Variants in SPPL2B observed in about 807,000 individuals in gnomAD.
SPPL2B encodes the protein signal peptide peptidase-like 2B.
SPPL2B carries 39 observed loss-of-function variants against 59.7 expected under a neutral mutation model. The observed-to-expected ratio is 0.65, with a 90% CI of 0.51 to 0.85. The LOEUF is 0.85. Among genes scored for constraint, SPPL2B ranks in the 40% least tolerant of loss-of-function variants. The pLI, the probability that SPPL2B is intolerant of heterozygous loss-of-function variation, is 0.00. For synonymous variants in SPPL2B, 419 were observed against 370.8 expected, an observed-to-expected ratio of 1.13 and a Z score of -1.49; for missense variants, 865 against 849.0, an observed-to-expected ratio of 1.02 and a Z score of -0.23.
Position 2,353,467 on chromosome 19 carries a change from C to G in SPPL2B, c.*258C>G. 1 of 117,110 alleles carries G rather than the reference C, an allele frequency of 8.5e-6. No homozygotes were observed. Among genetic ancestry groups the G allele is most frequent in the Non-Finnish European group, 2.2e-5 (1 of 45,724 alleles). 7.3% of individuals were successfully genotyped at this position (117,110 alleles called of 1,614,324 possible). A position where few individuals can be genotyped will look rare whatever the true frequency, so the allele number is the denominator to read the frequency against. On this transcript the variant is annotated 3_prime_UTR_variant, in exon 15 of 15. Coordinates refer to ENST00000613503, the MANE Select transcript of SPPL2B (RefSeq NM_152988.3). ...GCTCTCTGCGGGTCCATCCTCCCCA[C>G]CGGGGTCCGTCCTCGCAGGCCCTGC...
chr19:2,336,203 GTGTA>G (rs1968598563), intron 2 of SPPL2B, among the ~76,000 whole-genome samples: 2 of 151,832 alleles, frequency 1.3e-5, no homozygotes, highest in South Asian at 4.1e-4. Context: ...GGGTCTGAAT[GTGTA>G]TGTCTGTTTT....
rs528915941 is a variant in SPPL2B, at chr19:2,339,195, C to T, written c.586C>T (p.Arg196Trp). 2.0e-5 allele frequency: 32 copies of T among 1,603,418 alleles called. No homozygotes were observed. The highest frequency in any genetic ancestry group is 1.6e-4 in the African/African-American group (12 of 74,920). Residue 196 changes from arginine to tryptophan, a missense_variant, in exon 5 of 15, where the codon CGG becomes TGG. Arg to Trp is a moderately radical substitution (Grantham distance 101). Coordinates refer to ENST00000613503, the MANE Select transcript of SPPL2B (RefSeq NM_152988.3). Reference protein sequence around the residue: ...VAIGGYWAGSRDVKKRYMKHK... With the variant: ...VAIGGYWAGSWDVKKRYMKHK... ...CATCGGCGGCTACTGGGCCGGGAGT[C>T]GGGACGTGAAGAAGTGAGTTTCGCA...
chr19:2,331,022 C>G (rs1968260205), intron 1 of SPPL2B, among the ~76,000 whole-genome samples: 1 of 152,182 alleles, frequency 6.6e-6, no homozygotes, highest in African/African-American at 2.4e-5. Flanking sequence ...AGGGCAGGAG[C>G]CTGGTTGGTG....
chr19:2,334,016 A>G (rs1383901896), intron 1 of SPPL2B, among the ~76,000 whole-genome samples: 3 of 152,118 alleles, frequency 2.0e-5, no homozygotes, highest in Non-Finnish European at 4.4e-5. Context: ...TACCAGTGGG[A>G]GCTGAGGGGT....
At chr19:2,328,859 C>A (rs1196696214) in intron 1 of SPPL2B, 84 bp downstream of exon 1, 1 of 1,196,048 alleles carries the variant, frequency 8.4e-7, no homozygotes, top group East Asian at 3.2e-5. Flanking sequence ...GGAACGACCC[C>A]GCTCGGCCCG....
intron 8 of SPPL2B, chr19:2,341,679 C>G (rs1404048894): frequency 2.3e-6 from 1 of 429,606 alleles, no homozygotes. Context: ...TGTATTGGAG[C>G]CACGGCACGT....
chr19:2,349,050 C>G lies in SPPL2B; in HGVS notation c.1355-2384C>G, dbSNP rs1164436700. On this transcript the variant is annotated intron_variant, in intron 13 of 14. Transcript: ENST00000613503. ...CTCTCTCCACACACACTCACGCGCT[C>G]TCATTCGCTTGATTCCGTTCTCTCC... 4.2e-4 allele frequency among the ~76,000 whole-genome samples: 61 copies of G among 145,004 alleles called. 1 individual carries two copies. Among genetic ancestry groups the G allele is most frequent in the Admixed American group, 1.5e-3 (22 of 14,530 alleles).
intron 5 of SPPL2B, among the ~76,000 whole-genome samples, chr19:2,339,512 C>T (rs1341750682): frequency 6.6e-6 from 1 of 152,176 alleles, no homozygotes; most frequent in Non-Finnish European, 1.5e-5. Flanking sequence ...TGCTGAGCCG[C>T]CTGGGTCTGG....
In SPPL2B at chr19:2,353,408, C is replaced by T. The variant is rs911640404; in HGVS notation, c.*199C>T. 1.4e-5 allele frequency: 9 copies of T among 641,554 alleles called. No homozygotes were observed. Among genetic ancestry groups the T allele is most frequent in the Admixed American group, 9.8e-5 (3 of 30,738 alleles). The allele number at this position is 641,554 out of a possible 1,614,324, so 39.7% of individuals were successfully genotyped here. A position where few individuals can be genotyped will look rare whatever the true frequency, so the allele number is the denominator to read the frequency against. ...GCCCAGCCCAGCTGCCCCGGCTGCA[C>T]GCCTGCTGCTCCCAGCTCGCCCGGC... On this transcript the variant is annotated 3_prime_UTR_variant, in exon 15 of 15. Transcript: ENST00000613503.
At position 2,353,269 on chromosome 19, in the gene SPPL2B, G is replaced by A. The variant is rs1264860034; in HGVS notation, c.*60G>A. On this transcript the variant is annotated 3_prime_UTR_variant, in exon 15 of 15. Transcript: ENST00000613503. ...CACCAAGATGTTGGGGCTGCCTGGC[G>A]CCCACTGGAGACAGACAGACAGACG... is the stretch of plus-strand genomic sequence containing the variant. 1.3e-5 allele frequency: 20 copies of A among 1,534,838 alleles called. No individual in the cohort carries two copies. The East Asian group carries it at 3.2e-4, about 24-fold the overall frequency.
intron 1 of SPPL2B, among the ~76,000 whole-genome samples, chr19:2,334,223 C>T (rs970851726): frequency 2.0e-5 from 3 of 152,208 alleles, no homozygotes; most frequent in African/African-American, 7.2e-5. Context: ...CCCTGCTTCC[C>T]TGCTCAGGGC....
chr19:2,344,501 C>T (rs1599233975), intron 11 of SPPL2B, 52 bp from the exon 12 acceptor site: 4 of 1,575,618 alleles, frequency 2.5e-6, no homozygotes, highest in Non-Finnish European at 2.6e-6. Flanking sequence ...TCGAGGCATC[C>T]CGCGGCCGGG....
intron 1 of SPPL2B, among the ~76,000 whole-genome samples, chr19:2,331,391 T>C (rs1291983071): frequency 6.6e-6 from 1 of 152,224 alleles, no homozygotes; most frequent in East Asian, 1.9e-4. Context: ...GCTTTGAGCC[T>C]GTCCTTGTAG....
chr19:2,344,991 C>G (rs1969285410), intron 12 of SPPL2B, among the ~76,000 whole-genome samples: 1 of 152,110 alleles, frequency 6.6e-6, no homozygotes, highest in Non-Finnish European at 1.5e-5. Flanking sequence ...AGAGACTGTA[C>G]CCTCGCAGCC....
intron 8 of SPPL2B, 49 bp downstream of exon 8, chr19:2,341,063 G>A (rs180766697): frequency 7.6e-5 from 100 of 1,307,794 alleles, no homozygotes; most frequent in African/African-American, 2.3e-4. Context: ...GTCCTCGGGT[G>A]CACCAGGGCT....
At chr19:2,345,632 C>T (rs1048930133) in intron 13 of SPPL2B, among the ~76,000 whole-genome samples, 6 of 151,426 alleles carry the variant, frequency 4.0e-5, no homozygotes, top group Non-Finnish European at 7.4e-5. Context: ...TCTTCCTGGG[C>T]CCGTGCCTGC....
At chr19:2,337,233 C>G (rs916245332) in intron 2 of SPPL2B, 3 of 489,244 alleles carry the variant, frequency 6.1e-6, no homozygotes, top group African/African-American at 2.0e-5. Flanking sequence ...ACTCCGGCCC[C>G]GCTCAGATGA....
intron 8 of SPPL2B, chr19:2,341,260 G>A: frequency 3.0e-6 from 2 of 665,112 alleles, no homozygotes; most frequent in Admixed American, 2.1e-5. Flanking sequence ...AGCCCCTGTG[G>A]CCAGGAGCCA....
chr19:2,338,717 G>A (rs1418660747), intron 3 of SPPL2B, 35 bp from the exon 4 acceptor site: 1 of 1,491,250 alleles, frequency 6.7e-7, no homozygotes, highest in East Asian at 2.3e-5. Flanking sequence ...CACTGCTGCG[G>A]GTGATGCCTG....
Sources: allele counts gnomAD v4.1 joint callset (sites outside exome capture counted in the v4.1 genomes callset), GRCh38; gene constraint gnomAD v4.1.1; transcripts MANE v1.5; gene names NCBI Gene and HGNC (gene_info 2026-07-23, HGNC 2026-07-21).